Variants in CAMK2A observed in about 807,000 individuals in gnomAD.
CAMK2A encodes the protein calcium/calmodulin-dependent protein kinase type II subunit alpha.
A neutral mutation model predicts 79.2 loss-of-function variants in CAMK2A; 7 were observed. The observed-to-expected ratio is 0.09, with a 90% CI of 0.05 to 0.17. The LOEUF (loss-of-function observed/expected upper bound fraction) is 0.17. Ranked by LOEUF, CAMK2A falls within the 10% of genes least tolerant of loss-of-function variation. The pLI is 1.00. For missense variants in CAMK2A, 214 were observed against 646.4 expected, an observed-to-expected ratio of 0.33 and a Z score of 7.25; for synonymous variants, 242 against 251.7, an observed-to-expected ratio of 0.96 and a Z score of 0.36.
chr5:150,238,367 G>A (rs1295743603), intron 15 of CAMK2A: 20 of 218,322 alleles, frequency 9.2e-5, no homozygotes, highest in African/African-American at 1.9e-4. Flanking sequence ...CAGGAGGATC[G>A]CTTGAACCTG....
chr5:150,257,765 C>T, intron 3 of CAMK2A, 148 bp from the exon 4 acceptor site: 1 of 663,358 alleles, frequency 1.5e-6, no homozygotes. Flanking sequence ...TTGACAAGCG[C>T]TGGTGAACAA....
intron 12 of CAMK2A, among the ~76,000 whole-genome samples, chr5:150,245,749 C>A (rs1755541152): frequency 6.6e-6 from 1 of 152,260 alleles, no homozygotes; most frequent in Admixed American, 6.5e-5. Flanking sequence ...CATCCCCTGC[C>A]TCTCTCCTCA....
At chr5:150,245,041 C>A (rs1181571960) in intron 13 of CAMK2A, 120 bp downstream of exon 13, 2 of 960,632 alleles carry the variant, frequency 2.1e-6, no homozygotes, top group Non-Finnish European at 3.2e-6. Flanking sequence ...ACAAATGTGG[C>A]CCACGTCTGC....
At chr5:150,282,064 A>G (rs1580958158) in intron 1 of CAMK2A, among the ~76,000 whole-genome samples, 1 of 152,288 alleles carries the variant, frequency 6.6e-6, no homozygotes, top group African/African-American at 2.4e-5. Context: ...ACTCCACAGA[A>G]CAAAGCATTA....
chr5:150,222,137 G>GA lies in CAMK2A; in HGVS notation c.*572dup. 1 of 254,764 alleles carries GA rather than the reference G, an allele frequency of 3.9e-6. No individual in the cohort carries two copies. Among genetic ancestry groups the GA allele is most frequent in the Non-Finnish European group, 7.7e-6 (1 of 129,934 alleles). The allele number at this position is 254,764 out of a possible 1,614,324, so 15.8% of individuals were successfully genotyped here. ...ATCCCCCACACCGAGGGAAGGGTCA[G>GA]ACCACCCTGAGGTCAGCACAGGAGG... On this transcript the variant is annotated 3_prime_UTR_variant, in exon 19 of 19. Coordinates refer to ENST00000671881, the MANE Select transcript of CAMK2A (RefSeq NM_015981.4).
At chr5:150,225,305 C>A (rs919092445) in intron 17 of CAMK2A, among the ~76,000 whole-genome samples, 42 of 152,198 alleles carry the variant, frequency 2.8e-4, no homozygotes, top group Middle Eastern at 3.4e-3. Flanking sequence ...AGGTGGCTTC[C>A]AATATCTACC....
chr5:150,241,819 C>T (rs992040652), intron 13 of CAMK2A, among the ~76,000 whole-genome samples: 4 of 151,490 alleles, frequency 2.6e-5, no homozygotes, highest in African/African-American at 7.3e-5. Flanking sequence ...TCCTTCTTCC[C>T]CTCTTTCCTC....
At chr5:150,258,269 C>A (rs1452523357) in intron 3 of CAMK2A, among the ~76,000 whole-genome samples, 3 of 152,198 alleles carry the variant, frequency 2.0e-5, no homozygotes, top group Non-Finnish European at 2.9e-5. Context: ...CCAGCATGCA[C>A]CCCTGAGCTA....
At chr5:150,277,772 T>A (rs1428462611) in intron 1 of CAMK2A, among the ~76,000 whole-genome samples, 1 of 152,180 alleles carries the variant, frequency 6.6e-6, no homozygotes, top group Non-Finnish European at 1.5e-5. Context: ...TACCAGCCCC[T>A]CACAAGCGCA....
At chr5:150,255,926 C>T (rs17712813) in intron 6 of CAMK2A, among the ~76,000 whole-genome samples, 1 of 152,230 alleles carries the variant, frequency 6.6e-6, no homozygotes, top group African/African-American at 2.4e-5. Context: ...CTACCAGCCA[C>T]TGATACCATG....
In CAMK2A at chr5:150,220,800, C is replaced by A. The variant is rs1177034993; in HGVS notation, c.*1910G>T. 6.6e-6 allele frequency: 1 copy of A among 152,344 alleles called. No individual in the cohort carries two copies. Among genetic ancestry groups the A allele is most frequent in the Non-Finnish European group, 1.5e-5 (1 of 68,120 alleles). 9.4% of individuals were successfully genotyped at this position (152,344 alleles called of 1,614,324 possible). On this transcript the variant is annotated 3_prime_UTR_variant, in exon 19 of 19. Transcript: ENST00000671881. ...ACCAGGAGGCCTGGGCAGCATCTCT[C>A]CTGGCCTGCAGACCTGGCGTTGCCT...
intron 2 of CAMK2A, among the ~76,000 whole-genome samples, chr5:150,271,053 CCT>C (rs1243289943): frequency 1.3e-5 from 2 of 152,226 alleles, no homozygotes; most frequent in African/African-American, 4.8e-5. Flanking sequence ...CCCGTCACCC[CCT>C]GTCCCTGTTG....
chr5:150,243,445 C>G (rs1347408411), intron 13 of CAMK2A, among the ~76,000 whole-genome samples: 1 of 152,182 alleles, frequency 6.6e-6, no homozygotes, highest in Non-Finnish European at 1.5e-5. Context: ...TCTATTACCC[C>G]TACACATAGA....
intron 13 of CAMK2A, 72 bp downstream of exon 13, chr5:150,245,089 G>T (rs1459553870): frequency 4.0e-6 from 6 of 1,482,860 alleles, no homozygotes; most frequent in East Asian, 2.3e-5. Flanking sequence ...CTTGCTCCAG[G>T]CCTGAAAGCC....
intron 14 of CAMK2A, 108 bp from the exon 15 acceptor site, chr5:150,238,856 C>G (rs1755212394): frequency 1.1e-6 from 1 of 896,180 alleles, no homozygotes; most frequent in African/African-American, 1.7e-5. Flanking sequence ...GCCTCACAGG[C>G]TCTGCCTTCC....
At chr5:150,235,936 G>A (rs552725073) in intron 15 of CAMK2A, among the ~76,000 whole-genome samples, 2 of 152,260 alleles carry the variant, frequency 1.3e-5, no homozygotes, top group Middle Eastern at 3.4e-3. Context: ...CTGGCTGACC[G>A]TTTCTTCCAT....
At chr5:150,276,630 C>T (rs1215479359) in intron 1 of CAMK2A, among the ~76,000 whole-genome samples, 1 of 152,110 alleles carries the variant, frequency 6.6e-6, no homozygotes, top group Non-Finnish European at 1.5e-5. Context: ...CTTAAAGTGG[C>T]CACATCTGGG....
intron 2 of CAMK2A, among the ~76,000 whole-genome samples, chr5:150,267,992 G>C (rs1387831284): frequency 3.3e-5 from 5 of 151,480 alleles, no homozygotes; most frequent in African/African-American, 1.2e-4. Context: ...TCCTGCCTCA[G>C]CCTCCCGAGT....
Position 150,277,949 on chromosome 5 carries a change from C to T in CAMK2A, c.63-4790G>A, listed in dbSNP as rs576351515. ...GAGGCTATGAAGAGAATCCAGGTCA[C>T]TTGCACTTTTTCTTCTGACTCAACC... On this transcript the variant is annotated intron_variant, in intron 1 of 18. Transcript: ENST00000671881. Among the ~76,000 whole-genome samples, 10 of 152,324 alleles carry T rather than the reference C, an allele frequency of 6.6e-5. No individual in the cohort carries two copies. The East Asian group carries it at 1.9e-3, about 29-fold the overall frequency.
Sources: gnomAD v4.1 joint callset for allele counts (sites outside exome capture counted in the v4.1 genomes callset) on GRCh38, gnomAD v4.1.1 for gene constraint, MANE v1.5 for transcripts, NCBI Gene and HGNC (gene_info 2026-07-23, HGNC 2026-07-21) for gene names.